Variants in ARSB observed in about 807,000 individuals in gnomAD.
ARSB encodes the protein arylsulfatase B.
Under a neutral mutation model 50.9 loss-of-function variants are expected in ARSB, and 41 were observed. That is an observed-to-expected ratio of 0.81 (90% confidence interval 0.63 to 1.04). ARSB has a LOEUF of 1.04. ARSB is among the 50% of genes least tolerant of loss of function. ARSB has a pLI of 0.00. For synonymous variants in ARSB, 269 were observed against 284.8 expected, an observed-to-expected ratio of 0.94 and a Z score of 0.56; for missense variants, 672 against 693.3, an observed-to-expected ratio of 0.97 and a Z score of 0.35.
intron 5 of ARSB, among the ~76,000 whole-genome samples, chr5:78,871,139 C>T (rs1261691840): frequency 1.3e-5 from 2 of 149,140 alleles, no homozygotes; most frequent in South Asian, 2.2e-4. Flanking sequence ...AGGAGAACTA[C>T]AAACCACTGC....
At chr5:78,899,331 T>C (rs896351215) in intron 4 of ARSB, among the ~76,000 whole-genome samples, 3 of 152,208 alleles carry the variant, frequency 2.0e-5, no homozygotes, top group Non-Finnish European at 4.4e-5. Context: ...CTCTGACCTT[T>C]CTGTAGCTGG....
intron 4 of ARSB, among the ~76,000 whole-genome samples, chr5:78,891,607 C>T (rs1748297375): frequency 6.6e-6 from 1 of 152,144 alleles, no homozygotes; most frequent in African/African-American, 2.4e-5. Context: ...GAGGCAATGA[C>T]TGGGCTTTGT....
intron 6 of ARSB, among the ~76,000 whole-genome samples, chr5:78,811,656 CTACA>C (rs1372905846): frequency 1.3e-5 from 2 of 152,156 alleles, no homozygotes; most frequent in Non-Finnish European, 2.9e-5. Flanking sequence ...AGCAGATTGC[CTACA>C]TCCACTGCAG....
chr5:78,805,352 GA>G (rs1238242172), intron 6 of ARSB, among the ~76,000 whole-genome samples: 3 of 152,192 alleles, frequency 2.0e-5, no homozygotes, highest in African/African-American at 7.2e-5. Context: ...GACATTATCA[GA>G]ACCTAAACTG....
intron 4 of ARSB, among the ~76,000 whole-genome samples, chr5:78,915,352 G>A (rs528419475): frequency 2.0e-5 from 3 of 151,742 alleles, no homozygotes; most frequent in East Asian, 3.9e-4. Flanking sequence ...CATTGATACC[G>A]TAACTAAAAG....
chr5:78,933,855 A>G (rs1750461274), intron 4 of ARSB, among the ~76,000 whole-genome samples: 1 of 152,218 alleles, frequency 6.6e-6, no homozygotes, highest in South Asian at 2.1e-4. Context: ...ATCCTGGATT[A>G]TTGGAGAGGG....
At chr5:78,978,723 G>A (rs1017199931) in intron 1 of ARSB, among the ~76,000 whole-genome samples, 2 of 152,154 alleles carry the variant, frequency 1.3e-5, no homozygotes, top group African/African-American at 4.8e-5. Flanking sequence ...GTCTTGACAA[G>A]GGTGCAAAGG....
At chr5:78,982,361 A>G (rs1752941446) in intron 1 of ARSB, among the ~76,000 whole-genome samples, 1 of 152,254 alleles carries the variant, frequency 6.6e-6, no homozygotes, top group African/African-American at 2.4e-5. Flanking sequence ...AATATAGGCA[A>G]TTCCTAACTC....
At chr5:78,962,277 A>G (rs1206371523) in intron 3 of ARSB, among the ~76,000 whole-genome samples, 1 of 152,228 alleles carries the variant, frequency 6.6e-6, no homozygotes, top group East Asian at 1.9e-4. Flanking sequence ...AATGTCAAAT[A>G]TGTAGAAGAA....
chr5:78,963,740 T>C (rs1008398774), intron 3 of ARSB, among the ~76,000 whole-genome samples: 2 of 152,176 alleles, frequency 1.3e-5, no homozygotes, highest in Admixed American at 6.5e-5. Flanking sequence ...ATACCAGGTA[T>C]ATGGATTAGA....
chr5:78,950,395 G>A (rs1484648189), intron 4 of ARSB, among the ~76,000 whole-genome samples: 1 of 152,164 alleles, frequency 6.6e-6, no homozygotes, highest in African/African-American at 2.4e-5. Flanking sequence ...TAGATTAAGA[G>A]AGGCAGGAAG....
chr5:78,811,188 T>A (rs1743793665), intron 6 of ARSB, among the ~76,000 whole-genome samples: 1 of 152,232 alleles, frequency 6.6e-6, no homozygotes. Flanking sequence ...AGCCTCCGTA[T>A]ACTATCCTGG....
intron 5 of ARSB, among the ~76,000 whole-genome samples, chr5:78,856,777 T>C (rs555375459): frequency 1.3e-5 from 2 of 152,334 alleles, no homozygotes; most frequent in South Asian, 4.1e-4. Context: ...ACAAATACTA[T>C]AGTATTCCAG....
chr5:78,850,488 A>G (rs1272053155), intron 5 of ARSB, among the ~76,000 whole-genome samples: 6 of 151,150 alleles, frequency 4.0e-5, no homozygotes, highest in Admixed American at 6.6e-5. Context: ...TTTTTGCATC[A>G]ATGTTCATCA....
chr5:78,916,148 T>C (rs1480798585), intron 4 of ARSB, among the ~76,000 whole-genome samples: 1 of 152,234 alleles, frequency 6.6e-6, no homozygotes, highest in Non-Finnish European at 1.5e-5. Flanking sequence ...ACATCTCATA[T>C]GTGAACAGCT....
chr5:78,890,313 G>A (rs1398573461), intron 4 of ARSB, among the ~76,000 whole-genome samples: 1 of 149,700 alleles, frequency 6.7e-6, no homozygotes, highest in African/African-American at 2.5e-5. Context: ...TGCAGTGGCA[G>A]GATCACAGCT....
In ARSB at chr5:78,819,660, G is replaced by A. The variant is rs1744133124; in HGVS notation, c.1213+19696C>T. Among the ~76,000 whole-genome samples the A allele has an allele frequency of 4.6e-5, 7 of 152,242 alleles. No individual in the cohort carries two copies. In the South Asian group the frequency reaches 1.4e-3, roughly 31 times the overall value. On this transcript the variant is annotated intron_variant, in intron 6 of 7. Transcript: ENST00000264914. ...TGTCTTCTAGACTGGAGGGTCTCCA[G>A]GGCTGGGACCTTCCACAGTTCGTCT...
At chr5:78,961,972 G>T (rs1752004983) in intron 3 of ARSB, among the ~76,000 whole-genome samples, 1 of 152,066 alleles carries the variant, frequency 6.6e-6, no homozygotes, top group Non-Finnish European at 1.5e-5. Context: ...TTTCCCAGAT[G>T]ATTCTAATAT....
rs148734588 is a variant in ARSB, at chr5:78,925,862, T to C, written c.898+29433A>G. ...TAACCTACCCCAGAGAAGTAGAAGA[T>C]AAAGCATGCTCCAGAACAAAAAGTA... On this transcript the variant is annotated intron_variant, in intron 4 of 7. Coordinates refer to ENST00000264914, the MANE Select transcript of ARSB (RefSeq NM_000046.5). 2.4e-3 allele frequency among the ~76,000 whole-genome samples: 370 copies of C among 152,244 alleles called. 1 individual carries two copies. Among genetic ancestry groups the C allele is most frequent in the African/African-American group, 8.7e-3 (363 of 41,544 alleles).
Sources: allele counts gnomAD v4.1 joint callset (sites outside exome capture counted in the v4.1 genomes callset), GRCh38; gene constraint gnomAD v4.1.1; transcripts MANE v1.5; gene names NCBI Gene and HGNC (gene_info 2026-07-23, HGNC 2026-07-21).